Variants in ZP3 observed in about 807,000 individuals in gnomAD.
ZP3 encodes the protein zona pellucida glycoprotein 3.
ZP3 carries 21 observed loss-of-function variants against 35.6 expected under a neutral mutation model. The observed-to-expected ratio is 0.59, with a 90% confidence interval of 0.42 to 0.85. ZP3 has a LOEUF of 0.85. Ranked by LOEUF, ZP3 falls within the 40% of genes least tolerant of loss-of-function variation. The probability of loss-of-function intolerance (pLI) is 0.00; values close to 1 mark genes in which losing one functional copy is unlikely to be tolerated. For synonymous variants in ZP3, 207 were observed against 214.5 expected, an observed-to-expected ratio of 0.96 and a Z score of 0.31; for missense variants, 437 against 536.5, an observed-to-expected ratio of 0.81 and a Z score of 1.83.
At chr7:76,404,395 C>T in intron 1 of ZP3, 1 of 1,614,076 alleles carries the variant, frequency 6.2e-7, no homozygotes, top group Non-Finnish European at 8.5e-7. Flanking sequence ...CCCAGCGCTT[C>T]TCATCCAGCT....
chr7:76,421,806 AC>A (rs1359226024), upstream of ZP3, among the ~76,000 whole-genome samples: 1 of 151,786 alleles, frequency 6.6e-6, no homozygotes, highest in Admixed American at 6.6e-5. Flanking sequence ...CAGGAATTTC[AC>A]CCAGGGACAG....
intron 7 of ZP3, among the ~76,000 whole-genome samples, chr7:76,441,361 T>C (rs1289086757): frequency 6.6e-6 from 1 of 150,482 alleles, no homozygotes; most frequent in African/African-American, 2.5e-5. Context: ...GCTTTCTCCG[T>C]ATGAGAAAGC....
chr7:76,419,160 A>G (rs915994917), intron 1 of ZP3, among the ~76,000 whole-genome samples: 10 of 152,258 alleles, frequency 6.6e-5, no homozygotes, highest in Admixed American at 2.0e-4. Flanking sequence ...TTATTGTTAT[A>G]ATAATTTTGG....
chr7:76,432,891 T>A (rs1304542168), intron 2 of ZP3, 36 bp from the exon 3 acceptor site: 6 of 1,574,912 alleles, frequency 3.8e-6, no homozygotes, highest in South Asian at 2.2e-5. Flanking sequence ...GGGTGTGACC[T>A]GAGGCAGGTG....
intron 5 of ZP3, among the ~76,000 whole-genome samples, chr7:76,436,882 G>A (rs1430128624): frequency 6.6e-6 from 1 of 152,240 alleles, no homozygotes; most frequent in Non-Finnish European, 1.5e-5. Context: ...ATCTCTGGGG[G>A]TTGAGGGGTA....
At chr7:76,423,033 A>AGAGGG (rs1805552915), upstream of ZP3, among the ~76,000 whole-genome samples, 2 of 77,536 alleles carry the variant, frequency 2.6e-5, no homozygotes, top group South Asian at 4.5e-4. Context: ...GAGAGAAAGA[A>AGAGGG]AGAAAGAAAG....
intron 5 of ZP3, among the ~76,000 whole-genome samples, chr7:76,436,368 C>T (rs1189659782): frequency 1.3e-5 from 2 of 152,058 alleles, no homozygotes; most frequent in African/African-American, 2.4e-5. Context: ...TACTGTTATC[C>T]TCCATCTACT....
At chr7:76,408,561 C>T (rs1805122432) in intron 1 of ZP3, among the ~76,000 whole-genome samples, 1 of 152,162 alleles carries the variant, frequency 6.6e-6, no homozygotes, top group South Asian at 2.1e-4. Flanking sequence ...GAGACCCTGC[C>T]AGGAATCCTC....
chr7:76,404,125 C>T (rs113081871), intron 1 of ZP3, among the ~76,000 whole-genome samples: 1 of 152,152 alleles, frequency 6.6e-6, no homozygotes, highest in Non-Finnish European at 1.5e-5. Context: ...ACCTCCAGTA[C>T]TGAGCCCTTC....
chr7:76,436,041 T>TCCCC (rs1805994959), intron 5 of ZP3, among the ~76,000 whole-genome samples: 2 of 26,372 alleles, frequency 7.6e-5, no homozygotes, highest in African/African-American at 2.1e-4. Flanking sequence ...TTTTTTTTTT[T>TCCCC]TTTTTTTTTT....
intron 1 of ZP3, among the ~76,000 whole-genome samples, chr7:76,398,001 A>G (rs1310505653): frequency 6.6e-6 from 1 of 152,128 alleles, no homozygotes; most frequent in Non-Finnish European, 1.5e-5. Flanking sequence ...GTGGGATCAT[A>G]GTATCATTTC....
chr7:76,432,309 C>T (rs1481341840), intron 2 of ZP3, among the ~76,000 whole-genome samples: 3 of 152,080 alleles, frequency 2.0e-5, no homozygotes, highest in East Asian at 1.9e-4. Flanking sequence ...CTGCCTCAGC[C>T]TCCCAAGTAG....
chr7:76,418,885 T>A (rs1485026059), intron 1 of ZP3, among the ~76,000 whole-genome samples: 2 of 152,018 alleles, frequency 1.3e-5, no homozygotes, highest in Non-Finnish European at 1.5e-5. Flanking sequence ...TAATAACACA[T>A]CTTTGCATTG....
At chr7:76,405,339 CTTTTTTTTTT>C (rs1193527373) in intron 1 of ZP3, among the ~76,000 whole-genome samples, 1 of 21,386 alleles carries the variant, frequency 4.7e-5, no homozygotes, top group Non-Finnish European at 8.0e-5. Context: ...TTCTTTCTTT[CTTTTTTTTTT>C]TTTTTTTTTT....
At chr7:76,397,814 A>G (rs1273219241) in intron 1 of ZP3, 17 of 1,588,626 alleles carry the variant, frequency 1.1e-5, no homozygotes, top group Non-Finnish European at 1.4e-5. Flanking sequence ...GCCCCCTACC[A>G]GGCGTACGCT....
chr7:76,428,858 T>C (rs1805749493), intron 1 of ZP3: 1 of 152,380 alleles, frequency 6.6e-6, no homozygotes, highest in Admixed American at 6.6e-5. Context: ...ATTTTTTTTT[T>C]TTAAGTAGAG....
At chr7:76,420,247 C>T (rs1805475770), upstream of ZP3, among the ~76,000 whole-genome samples, 1 of 152,048 alleles carries the variant, frequency 6.6e-6, no homozygotes, top group Non-Finnish European at 1.5e-5. Flanking sequence ...AAACTCCTGG[C>T]CTCAAGAAAT....
intron 1 of ZP3, among the ~76,000 whole-genome samples, chr7:76,415,452 G>A (rs925442039): frequency 1.3e-5 from 2 of 150,900 alleles, no homozygotes; most frequent in Admixed American, 6.6e-5. Context: ...TGGGGGTGGC[G>A]GGAGTGGATT....
chr7:76,406,831 C>T (rs1323102305), intron 1 of ZP3, among the ~76,000 whole-genome samples: 2 of 151,564 alleles, frequency 1.3e-5, no homozygotes, highest in Non-Finnish European at 2.9e-5. Context: ...ATGGGCCGAG[C>T]ATTGTAAGCA....
Sources: allele counts gnomAD v4.1 joint callset (sites outside exome capture counted in the v4.1 genomes callset), GRCh38; gene constraint gnomAD v4.1.1; transcripts MANE v1.5; gene names NCBI Gene and HGNC (gene_info 2026-07-23, HGNC 2026-07-21).